DIPK1A: variants seen among roughly 807,000 people sequenced by gnomAD.
DIPK1A encodes family with sequence similarity 69 member A.
In DIPK1A, 27 loss-of-function variants were observed where a neutral mutation model predicts 40.8. The ratio of observed to expected loss-of-function variants is 0.66; its 90% confidence interval spans 0.49 to 0.91. The LOEUF is 0.91. Ranked by LOEUF, DIPK1A falls within the 40% of genes least tolerant of loss-of-function variation. The pLI, the probability that DIPK1A is intolerant of heterozygous loss-of-function variation, is 0.00. For missense variants in DIPK1A, 412 were observed against 505.7 expected (o/e 0.81, Z 1.78); for synonymous variants, 166 against 171.3 (o/e 0.97, Z 0.24).
chr1:92,949,386 T>C (rs1651539406), intron 1 of DIPK1A, among the ~76,000 whole-genome samples: 1 of 152,158 alleles, frequency 6.6e-6, no homozygotes, highest in South Asian at 2.1e-4. Flanking sequence ...GCAATTCTCC[T>C]GCCTCAGCCT....
chr1:92,847,001 C>T (rs1367278107), intron 4 of DIPK1A, among the ~76,000 whole-genome samples, 182 bp downstream of exon 4: 1 of 144,616 alleles, frequency 6.9e-6, no homozygotes, highest in Non-Finnish European at 1.5e-5. Context: ...GCCTTGGCCT[C>T]CCAAAGTGCT....
chr1:92,961,453 C>T lies in DIPK1A; in HGVS notation c.-24G>A. On this transcript the variant is annotated 5_prime_UTR_variant, in exon 1 of 5. Coordinates refer to ENST00000370310, the MANE Select transcript of DIPK1A (RefSeq NM_001006605.5). The stretch of plus-strand genomic sequence containing the variant: ...ATGGTAATCACACATCGCCCCGCCG[C>T]GCTGCAGTCAGAGGCGGACCCGAGC... 2.0e-6 allele frequency: 3 copies of T among 1,474,960 alleles called. No individual in the cohort carries two copies. In the South Asian group the frequency reaches 3.7e-5, roughly 18 times the overall value. 91.4% of individuals were successfully genotyped at this position (1,474,960 alleles called of 1,614,324 possible).
At chr1:92,853,683 C>T (rs113842528) in intron 2 of DIPK1A, among the ~76,000 whole-genome samples, 1 of 152,192 alleles carries the variant, frequency 6.6e-6, no homozygotes, top group East Asian at 1.9e-4. Flanking sequence ...TTTTACATAG[C>T]TGAACTTTCT....
At chr1:92,884,363 G>C (rs1315541857) in intron 1 of DIPK1A, among the ~76,000 whole-genome samples, 1 of 152,052 alleles carries the variant, frequency 6.6e-6, no homozygotes, top group Non-Finnish European at 1.5e-5. Context: ...TGAGGTAGGA[G>C]GATTGCTTAA....
At chr1:92,907,534 G>C (rs1276417210) in intron 1 of DIPK1A, among the ~76,000 whole-genome samples, 2 of 151,962 alleles carry the variant, frequency 1.3e-5, no homozygotes, top group Non-Finnish European at 2.9e-5. Context: ...TGAACTCCTA[G>C]ACTCAAGGGA....
At chr1:92,953,343 A>G (rs1319295370) in intron 1 of DIPK1A, among the ~76,000 whole-genome samples, 1 of 152,194 alleles carries the variant, frequency 6.6e-6, no homozygotes, top group African/African-American at 2.4e-5. Context: ...TTTGGAAAAC[A>G]GTATGAAGGT....
At chr1:92,870,732 T>C (rs1356965665) in intron 2 of DIPK1A, among the ~76,000 whole-genome samples, 2 of 152,238 alleles carry the variant, frequency 1.3e-5, no homozygotes, top group Non-Finnish European at 2.9e-5. Context: ...AGCTCTCAGC[T>C]GAGTCCTTTA....
intron 2 of DIPK1A, among the ~76,000 whole-genome samples, chr1:92,866,279 T>C (rs1416233285): frequency 6.6e-6 from 1 of 152,198 alleles, no homozygotes; most frequent in Admixed American, 6.5e-5. Context: ...TTCTTGTATT[T>C]TTAGTAGAGA....
chr1:92,948,643 A>ATATATATACGTATATATACATGTG (rs1651467667), intron 1 of DIPK1A, among the ~76,000 whole-genome samples: 1 of 92,638 alleles, frequency 1.1e-5, no homozygotes, highest in Non-Finnish European at 2.6e-5. Context: ...TTTGTATTTA[A>ATATATATACGTATATATACATGTG]TATATATACG....
At position 92,843,758 on chromosome 1, in the gene DIPK1A, A is replaced by G. The variant is rs1007668949; in HGVS notation, c.912T>C (p.Asp304=). The change falls in exon 5 of 5, where the codon GAT becomes GAC. Residue 304 remains aspartate (D), a synonymous_variant. Transcript: ENST00000370310. ...TATCCACCATTTTCAAATCATACTT[A>G]TCATTATATCCTAGGTTTTTGGCAC... ...DTSAKNLGYN[D]KYDLKMVDMR... The G allele has an allele frequency of 8.4e-6, 13 of 1,551,628 alleles. No homozygotes were observed. In the African/African-American group the frequency reaches 1.8e-4, roughly 21 times the overall value.
chr1:92,892,729 T>C (rs1274985968), intron 1 of DIPK1A, among the ~76,000 whole-genome samples: 2 of 151,972 alleles, frequency 1.3e-5, no homozygotes, highest in African/African-American at 2.4e-5. Flanking sequence ...TTCGAACCCA[T>C]GGCAAAGAAG....
intron 4 of DIPK1A, chr1:92,833,678 C>G: frequency 6.3e-7 from 1 of 1,584,638 alleles, no homozygotes; most frequent in African/African-American, 1.3e-5. Context: ...GTATTCTAGA[C>G]AGTCCCCTTT....
downstream of DIPK1A, among the ~76,000 whole-genome samples, chr1:92,838,443 T>C (rs1446379927): frequency 2.0e-5 from 3 of 152,260 alleles, no homozygotes; most frequent in African/African-American, 7.2e-5. Flanking sequence ...CCTATATCTT[T>C]ATGTAGTCAT....
At chr1:92,934,809 A>G (rs970676641) in intron 1 of DIPK1A, among the ~76,000 whole-genome samples, 2 of 152,206 alleles carry the variant, frequency 1.3e-5, no homozygotes, top group African/African-American at 4.8e-5. Context: ...ATTTGCCAAG[A>G]GAGTTCCTGG....
chr1:92,914,145 A>G (rs1367164398), intron 1 of DIPK1A, among the ~76,000 whole-genome samples: 3 of 151,602 alleles, frequency 2.0e-5, no homozygotes, highest in African/African-American at 7.3e-5. Context: ...GCAAAAGGCA[A>G]TGGAGAAGAG....
chr1:92,886,621 T>C (rs1218913058), intron 1 of DIPK1A, among the ~76,000 whole-genome samples: 2 of 152,198 alleles, frequency 1.3e-5, no homozygotes, highest in Non-Finnish European at 2.9e-5. Context: ...TTATTTCCAA[T>C]ATTGTGCTAT....
At chr1:92,936,556 G>C (rs1433630171) in intron 1 of DIPK1A, among the ~76,000 whole-genome samples, 1 of 149,302 alleles carries the variant, frequency 6.7e-6, no homozygotes, top group Non-Finnish European at 1.5e-5. Context: ...TTGAACCCGG[G>C]ACGCTGAGGT....
chr1:92,927,364 G>GTTTTTT lies in DIPK1A; in HGVS notation c.54+34006_54+34011dup, dbSNP rs61508867. Among the ~76,000 whole-genome samples, 71 of 104,662 alleles carry GTTTTTT rather than the reference G, an allele frequency of 6.8e-4. 1 individual carries two copies. The highest frequency in any genetic ancestry group is 2.5e-3 in the African/African-American group (69 of 27,474). The allele number at this position is 104,662 out of a possible 152,430, so 68.7% of individuals were successfully genotyped here. On this transcript the variant is annotated intron_variant, in intron 1 of 4. Transcript: ENST00000370310. Reference sequence around the variant, plus strand: ...TGCATGCCACCATGCCAATTTTGTTGTTTTTTTTTTTTTTTTTTTTTTTGC... The same window carrying GTTTTTT: ...TGCATGCCACCATGCCAATTTTGTTGTTTTTTTTTTTTTTTTTTTTTTTTTTTTTGC...
chr1:92,848,784 C>G (rs1687715181), intron 3 of DIPK1A, among the ~76,000 whole-genome samples: 2 of 152,166 alleles, frequency 1.3e-5, no homozygotes, highest in African/African-American at 2.4e-5. Context: ...AGGAGACACT[C>G]AAATGTTGGA....
Sources: gnomAD v4.1 joint callset for allele counts (sites outside exome capture counted in the v4.1 genomes callset) on GRCh38, gnomAD v4.1.1 for gene constraint, MANE v1.5 for transcripts, NCBI Gene and HGNC (gene_info 2026-07-23, HGNC 2026-07-21) for gene names.